Variants in MRAP2 observed in about 807,000 individuals in gnomAD.
MRAP2 encodes melanocortin 2 receptor accessory protein 2, also known as melanocortin-2 receptor accessory protein 2.
Under a neutral mutation model 17.4 loss-of-function variants are expected in MRAP2, and 20 were observed. That is an observed-to-expected ratio of 1.15 (90% CI 0.81 to 1.67). The LOEUF (loss-of-function observed/expected upper bound fraction) is 1.67, where lower values mean the gene tolerates loss of function less well. Ranked by LOEUF, MRAP2 falls within the 40% of genes most tolerant of loss-of-function variation. The pLI is 0.00. For synonymous variants in MRAP2, 96 were observed against 88.4 expected, an observed-to-expected ratio of 1.09 and a Z score of -0.48; for missense variants, 238 against 240.0, an observed-to-expected ratio of 0.99 and a Z score of 0.05.
At chr6:84,102,608 C>T in the MRAP2 span, among the ~76,000 whole-genome samples, 6 of 152,144 alleles carry the variant, frequency 3.9e-5, no homozygotes, top group Non-Finnish European at 5.9e-5. Flanking sequence ...ATTTGACCTA[C>T]AGAACTGTAA....
chr6:84,093,942 A>C (rs533009363), downstream of MRAP2, among the ~76,000 whole-genome samples: 76 of 152,200 alleles, frequency 5.0e-4, 2 homozygotes, highest in Non-Finnish European at 5.9e-4. Flanking sequence ...AACTTGAGTA[A>C]GGAGCTTTTG....
At chr6:84,040,191 TC>T (rs1020501336) in intron 1 of MRAP2, among the ~76,000 whole-genome samples, 59 of 152,234 alleles carry the variant, frequency 3.9e-4, no homozygotes, top group African/African-American at 1.4e-3. Context: ...CTCTCTTCAC[TC>T]TGACTTCTCC....
chr6:84,120,718 GA>G, the MRAP2 span, among the ~76,000 whole-genome samples: 1 of 152,102 alleles, frequency 6.6e-6, no homozygotes, highest in Non-Finnish European at 1.5e-5. Flanking sequence ...CTTGCATTTG[GA>G]ATGAATGGCC....
rs1418317628 is a variant in MRAP2 at position 84,090,795 on chromosome 6, A to G, written c.*1314A>G. On this transcript the variant is annotated 3_prime_UTR_variant, in exon 4 of 4. Transcript: ENST00000257776. ...TGCGCACACAGTTGCATGCATGGCA[A>G]GCTGTTAACCTCTGGGTGGCATTTT... is the stretch of plus-strand genomic sequence containing the variant. The G allele has an allele frequency of 6.6e-6, 1 of 152,232 alleles. No individual in the cohort carries two copies. Among genetic ancestry groups the G allele is most frequent in the Non-Finnish European group, 1.5e-5 (1 of 68,038 alleles). 9.4% of individuals were successfully genotyped at this position (152,232 alleles called of 1,614,324 possible). A position where few individuals can be genotyped will look rare whatever the true frequency, so the allele number is the denominator to read the frequency against.
At chr6:84,064,614 A>G (rs189829650) in intron 3 of MRAP2, among the ~76,000 whole-genome samples, 5,656 of 152,030 alleles carry the variant, frequency 0.037, 136 homozygotes, top group Middle Eastern at 0.11. Flanking sequence ...CAGCCTCCCC[A>G]GTAGCTGGGA....
the MRAP2 span, among the ~76,000 whole-genome samples, chr6:84,139,155 G>T: frequency 2.0e-5 from 3 of 152,248 alleles, no homozygotes; most frequent in South Asian, 6.2e-4. Context: ...CCTAAAAGTA[G>T]GAAATACATT....
At chr6:84,043,218 A>G (rs953115185) in intron 1 of MRAP2, among the ~76,000 whole-genome samples, 5 of 152,234 alleles carry the variant, frequency 3.3e-5, no homozygotes, top group African/African-American at 7.2e-5. Context: ...TTAAAGTTTT[A>G]ATTCACCTAG....
the MRAP2 span, among the ~76,000 whole-genome samples, chr6:84,133,943 C>T: frequency 6.6e-6 from 1 of 152,204 alleles, no homozygotes; most frequent in South Asian, 2.1e-4. Flanking sequence ...ATGAGTCGCT[C>T]ATGCTAGGAG....
Position 84,033,796 on chromosome 6 carries a change from A to AGGCGGC in MRAP2, c.-81_-76dup, listed in dbSNP as rs533282938. 722 of 986,556 alleles carry AGGCGGC rather than the reference A, an allele frequency of 7.3e-4. 1 individual carries two copies. In the African/African-American group the frequency reaches 0.011, roughly 15 times the overall value. The allele number at this position is 986,556 out of a possible 1,614,324, so 61.1% of individuals were successfully genotyped here. ...TACTCGCCCGGCCCTGGGCGGTGGG[A>AGGCGGC]GGCGGCGGCGGCGGCGGCGCTCGCG... On this transcript the variant is annotated 5_prime_UTR_variant, in exon 1 of 4. Transcript: ENST00000257776.
At chr6:84,135,174 T>C in the MRAP2 span, among the ~76,000 whole-genome samples, 1 of 152,312 alleles carries the variant, frequency 6.6e-6, no homozygotes, top group South Asian at 2.1e-4. Context: ...ATACTAATTA[T>C]TATGTATTAA....
chr6:84,120,628 C>A, the MRAP2 span, among the ~76,000 whole-genome samples: 1 of 152,064 alleles, frequency 6.6e-6, no homozygotes, highest in Admixed American at 6.6e-5. Flanking sequence ...AATATAGAAT[C>A]GTCATCAAAA....
intron 3 of MRAP2, among the ~76,000 whole-genome samples, chr6:84,081,757 G>C (rs960984772): frequency 6.6e-6 from 1 of 152,200 alleles, no homozygotes; most frequent in African/African-American, 2.4e-5. Context: ...GGCAGAGGTT[G>C]CAGTGAGCCA....
chr6:84,078,275 C>A (rs1239869769), intron 3 of MRAP2, among the ~76,000 whole-genome samples: 1 of 152,138 alleles, frequency 6.6e-6, no homozygotes, highest in East Asian at 1.9e-4. Context: ...TATTATAAAA[C>A]TTCCACAAGT....
chr6:84,078,415 A>G lies in MRAP2; in HGVS notation c.228-10676A>G, dbSNP rs552844103. ...GTTATTACACATCAGAGAAATGCAC[A>G]TTAAAGTCACAGTGAAATGTCATTT... is the stretch of plus-strand genomic sequence containing the variant. On this transcript the variant is annotated intron_variant, in intron 3 of 3. Coordinates refer to ENST00000257776, the MANE Select transcript of MRAP2 (RefSeq NM_138409.4). Among the ~76,000 whole-genome samples, 8 of 152,346 alleles carry G rather than the reference A, an allele frequency of 5.3e-5. 1 individual carries two copies. The highest frequency in any genetic ancestry group is 1.9e-4 in the African/African-American group (8 of 41,592).
At chr6:84,034,507 CCGCCCCG>C (rs1178732669) in intron 1 of MRAP2, among the ~76,000 whole-genome samples, 4 of 144,398 alleles carry the variant, frequency 2.8e-5, no homozygotes, top group Non-Finnish European at 6.0e-5. Context: ...CTCCCCCCGC[CCGCCCCG>C]CGCCCCGTGC....
chr6:84,099,123 T>TA, the MRAP2 span, among the ~76,000 whole-genome samples: 1 of 151,530 alleles, frequency 6.6e-6, no homozygotes, highest in Non-Finnish European at 1.5e-5. Flanking sequence ...GTTTTTTTCT[T>TA]AAACATGGTG....
the MRAP2 span, among the ~76,000 whole-genome samples, chr6:84,141,438 T>G: frequency 2.0e-5 from 3 of 152,242 alleles, no homozygotes; most frequent in African/African-American, 7.2e-5. Flanking sequence ...CCTCCTTACC[T>G]ACCTATAGTC....
At chr6:84,112,643 C>T in the MRAP2 span, among the ~76,000 whole-genome samples, 1 of 152,084 alleles carries the variant, frequency 6.6e-6, no homozygotes, top group African/African-American at 2.4e-5. Context: ...TTGTCTTCTG[C>T]TAGCTTTTGA....
chr6:84,073,859 T>C (rs76048102), intron 3 of MRAP2, among the ~76,000 whole-genome samples: 2,313 of 151,750 alleles, frequency 0.015, 42 homozygotes, highest in African/African-American at 0.052. Flanking sequence ...GCTTAAAACA[T>C]TATGAGATAT....
Sources: gnomAD v4.1 joint callset for allele counts (sites outside exome capture counted in the v4.1 genomes callset) on GRCh38, gnomAD v4.1.1 for gene constraint, MANE v1.5 for transcripts, NCBI Gene and HGNC (gene_info 2026-07-23, HGNC 2026-07-21) for gene names.